Variants in TPO observed in about 807,000 individuals in gnomAD.
TPO encodes the protein thyroid peroxidase.
Under a neutral mutation model 96.9 loss-of-function variants are expected in TPO, and 78 were observed. The observed-to-expected ratio is 0.81, with a 90% CI of 0.67 to 0.97. The LOEUF (loss-of-function observed/expected upper bound fraction) is 0.97, where lower values mean the gene tolerates loss of function less well. Ranked by LOEUF, TPO falls within the 50% of genes least tolerant of loss-of-function variation. The pLI is 0.00. For synonymous variants in TPO, 547 were observed against 538.0 expected (o/e 1.02, Z -0.23); for missense variants, 1,252 against 1,274.8 (o/e 0.98, Z 0.27).
chr2:1,452,483 C>G (rs1667395484), intron 5 of TPO, among the ~76,000 whole-genome samples: 1 of 152,154 alleles, frequency 6.6e-6, no homozygotes, highest in South Asian at 2.1e-4. Context: ...TACGGTTGCC[C>G]TACATACTAT....
intron 3 of TPO, among the ~76,000 whole-genome samples, chr2:1,432,010 G>A (rs1665022267): frequency 6.6e-6 from 1 of 152,224 alleles, no homozygotes; most frequent in African/African-American, 2.4e-5. Context: ...TCTAGGACCT[G>A]TCCACTCACA....
At chr2:1,540,986 G>T (rs1680698307) in intron 16 of TPO, 2 of 1,443,766 alleles carry the variant, frequency 1.4e-6, no homozygotes, top group African/African-American at 1.4e-5. Flanking sequence ...TCAGGCGTTT[G>T]CTTCCACTTA....
At position 1,496,109 on chromosome 2, in the gene TPO, C is replaced by T. The variant is rs199561216; in HGVS notation, c.2127C>T (p.Phe709=). 6.2e-7 allele frequency: 1 copy of T among 1,614,132 alleles called. No individual in the cohort carries two copies. The highest frequency in any genetic ancestry group is 2.2e-5 in the East Asian group (1 of 44,880). ...TCACCAGGGTGCCCATGGATGCCTT[C>T]CAAGTCGGCAAATTCCCCGAAGACT... is the stretch of plus-strand genomic sequence containing the variant. ...TGLTRVPMDA[F]QVGKFPEDFE... Residue 709 remains phenylalanine (F), a synonymous_variant, in exon 12 of 17, where the codon TTC becomes TTT. Coordinates refer to ENST00000329066, the MANE Select transcript of TPO (RefSeq NM_001206744.2).
At position 1,414,499 on chromosome 2, in the gene TPO, TG is replaced by T; in HGVS notation, c.94+1del. 1 of 1,613,866 alleles carries T rather than the reference TG, an allele frequency of 6.2e-7. No homozygotes were observed. Among genetic ancestry groups the T allele is most frequent in the Non-Finnish European group, 8.5e-7 (1 of 1,179,924 alleles). ...CATCTCGAGAGGGAAAGAACTCCTT[TG>T]GGGTAAGTAGCAAACACATTGCGGT... Reference protein sequence around the residue: ...PFISRGKELLWGKPEESRVSS... With the variant: ...PFISRGKELLXGKPEESRVSS... On this transcript the variant is annotated frameshift_variant and splice_region_variant, in exon 2 of 17. Coordinates refer to ENST00000329066, the MANE Select transcript of TPO (RefSeq NM_001206744.2). LOFTEE classifies it high-confidence loss of function.
chr2:1,519,567 CTA>C (rs1373242856), intron 15 of TPO, among the ~76,000 whole-genome samples: 1 of 152,106 alleles, frequency 6.6e-6, no homozygotes, highest in Non-Finnish European at 1.5e-5. Flanking sequence ...GAAATATTCC[CTA>C]TGTTTTATGA....
At chr2:1,457,669 A>G (rs191404973) in intron 7 of TPO, among the ~76,000 whole-genome samples, 1 of 152,038 alleles carries the variant, frequency 6.6e-6, no homozygotes, top group Non-Finnish European at 1.5e-5. Flanking sequence ...ATGCATATAT[A>G]GCATATATGA....
At chr2:1,430,201 C>T (rs965439741) in intron 3 of TPO, among the ~76,000 whole-genome samples, 2 of 152,202 alleles carry the variant, frequency 1.3e-5, no homozygotes, top group African/African-American at 4.8e-5. Flanking sequence ...CCCAGGGACA[C>T]TGATCCCTGT....
chr2:1,491,820 C>T (rs79528938), intron 10 of TPO, among the ~76,000 whole-genome samples: 4,426 of 152,230 alleles, frequency 0.029, 127 homozygotes, highest in South Asian at 0.13. Context: ...AGCCTCTTGA[C>T]GGGGCAAAGC....
At chr2:1,436,123 A>C in intron 4 of TPO, 129 bp from the exon 5 acceptor site, 1 of 1,444,490 alleles carries the variant, frequency 6.9e-7, no homozygotes, top group Non-Finnish European at 9.6e-7. Flanking sequence ...TTTTCTCAAA[A>C]ACAGTGACCC....
intron 15 of TPO, among the ~76,000 whole-genome samples, chr2:1,537,627 G>A (rs1230261558): frequency 6.6e-5 from 7 of 105,964 alleles, no homozygotes; most frequent in Non-Finnish European, 1.1e-4. Context: ...ACCCCGCTGT[G>A]TGCAACATCC....
In TPO at chr2:1,531,777, ACT is replaced by A. The variant is rs1212438548; in HGVS notation, c.2619-8812_2619-8811del. 1.0e-3 allele frequency among the ~76,000 whole-genome samples: 11 copies of A among 10,542 alleles called. 2 individuals carry two copies. Among genetic ancestry groups the A allele is most frequent in the African/African-American group, 5.3e-3 (10 of 1,876 alleles). 6.9% of individuals were successfully genotyped at this position (10,542 alleles called of 152,430 possible). A position where few individuals can be genotyped will look rare whatever the true frequency, so the allele number is the denominator to read the frequency against. ...TCTGTAACCTCCCCAAATCACCCCCACTCTCTGCAACCTCCCCAAATCACCCC... is the reference window on the plus strand; with the variant it reads ...TCTGTAACCTCCCCAAATCACCCCCACTCTGCAACCTCCCCAAATCACCCC... On this transcript the variant is annotated intron_variant, in intron 15 of 16. Coordinates refer to ENST00000329066, the MANE Select transcript of TPO (RefSeq NM_001206744.2).
chr2:1,499,213 C>G (rs769422169), intron 13 of TPO, among the ~76,000 whole-genome samples: 1 of 151,592 alleles, frequency 6.6e-6, no homozygotes, highest in African/African-American at 2.4e-5. Flanking sequence ...TGTGCGCGTG[C>G]CCTCTGACCT....
chr2:1,443,611 G>T (rs1666432814), intron 5 of TPO, among the ~76,000 whole-genome samples: 1 of 145,744 alleles, frequency 6.9e-6, no homozygotes, highest in African/African-American at 2.6e-5. Context: ...GCTGCAGGAG[G>T]TACCATGTTG....
intron 14 of TPO, among the ~76,000 whole-genome samples, chr2:1,515,205 A>G (rs1378271458): frequency 6.6e-6 from 1 of 152,174 alleles, no homozygotes; most frequent in Non-Finnish European, 1.5e-5. Context: ...ACACAGGCGG[A>G]GCCCCCACCT....
chr2:1,542,243 T>C (rs1680849338), intron 16 of TPO, 178 bp from the exon 17 acceptor site: 1 of 832,330 alleles, frequency 1.2e-6, no homozygotes, highest in Admixed American at 2.2e-5. Flanking sequence ...AAACAAGCAT[T>C]TGTCCGGAAG....
chr2:1,422,771 G>C (rs112987874), intron 2 of TPO, among the ~76,000 whole-genome samples: 1 of 152,140 alleles, frequency 6.6e-6, no homozygotes, highest in Non-Finnish European at 1.5e-5. Flanking sequence ...AAAGTTATTC[G>C]GAATCATTTG....
At chr2:1,462,316 G>A (rs1668521798) in intron 7 of TPO, among the ~76,000 whole-genome samples, 2 of 152,102 alleles carry the variant, frequency 1.3e-5, no homozygotes, top group Non-Finnish European at 1.5e-5. Flanking sequence ...CTGCGCTAAG[G>A]TCCCTGGACA....
chr2:1,521,096 C>T (rs1378209895), intron 15 of TPO, among the ~76,000 whole-genome samples: 1 of 152,076 alleles, frequency 6.6e-6, no homozygotes, highest in African/African-American at 2.4e-5. Context: ...TACCTTTTTG[C>T]TGTTTTCAGT....
chr2:1,404,174 C>T (rs150622058), intron 1 of TPO, among the ~76,000 whole-genome samples: 340 of 152,214 alleles, frequency 2.2e-3, no homozygotes, highest in African/African-American at 7.9e-3. Context: ...ATTTTTTTCA[C>T]CCTGGAATGC....
Sources: gnomAD v4.1 joint callset for allele counts (sites outside exome capture counted in the v4.1 genomes callset) on GRCh38, gnomAD v4.1.1 for gene constraint, MANE v1.5 for transcripts, NCBI Gene and HGNC (gene_info 2026-07-23, HGNC 2026-07-21) for gene names.